ATP6V1C2: variants seen among roughly 807,000 people sequenced by gnomAD.
ATP6V1C2 encodes the protein ATPase H+ transporting V1 subunit C2.
A neutral mutation model predicts 56.8 loss-of-function variants in ATP6V1C2; 45 were observed. The observed-to-expected ratio is 0.79, with a 90% CI of 0.62 to 1.02. The LOEUF (loss-of-function observed/expected upper bound fraction) is 1.02, where lower values mean the gene tolerates loss of function less well. Among genes scored for constraint, ATP6V1C2 ranks in the 50% least tolerant of loss-of-function variants. The pLI is 0.00. For missense variants in ATP6V1C2, 463 were observed against 519.7 expected (o/e 0.89, Z 1.06); for synonymous variants, 220 against 201.3 (o/e 1.09, Z -0.79).
intron 3 of ATP6V1C2, among the ~76,000 whole-genome samples, chr2:10,743,375 G>C (rs1662672116): frequency 6.6e-6 from 1 of 150,710 alleles, no homozygotes; most frequent in African/African-American, 2.4e-5. Context: ...AAAGTGCTGG[G>C]ATTACAGGTG....
chr2:10,755,054 G>A (rs1572557794), intron 4 of ATP6V1C2, among the ~76,000 whole-genome samples: 1 of 151,526 alleles, frequency 6.6e-6, no homozygotes, highest in African/African-American at 2.4e-5. Context: ...TTTTTCTCGT[G>A]TTGCCCAGGC....
intron 3 of ATP6V1C2, among the ~76,000 whole-genome samples, chr2:10,747,936 C>T (rs1663011703): frequency 6.6e-6 from 1 of 152,104 alleles, no homozygotes; most frequent in Non-Finnish European, 1.5e-5. Flanking sequence ...TCTTGGCTCA[C>T]TGCAACCTCT....
intron 4 of ATP6V1C2, among the ~76,000 whole-genome samples, chr2:10,758,433 C>T (rs1402263654): frequency 6.6e-6 from 1 of 152,058 alleles, no homozygotes; most frequent in African/African-American, 2.4e-5. Flanking sequence ...TCTCAACTTC[C>T]CAAGACTAGA....
At chr2:10,736,746 T>C (rs1439512132) in intron 3 of ATP6V1C2, among the ~76,000 whole-genome samples, 1 of 151,856 alleles carries the variant, frequency 6.6e-6, no homozygotes, top group South Asian at 2.1e-4. Context: ...CTGAGTGTTA[T>C]ATAATTTAAA....
intron 4 of ATP6V1C2, among the ~76,000 whole-genome samples, chr2:10,761,164 G>A (rs1250174622): frequency 6.6e-6 from 1 of 152,162 alleles, no homozygotes; most frequent in Non-Finnish European, 1.5e-5. Flanking sequence ...GGTACTGTGA[G>A]AGGAGAGTAG....
intron 2 of ATP6V1C2, among the ~76,000 whole-genome samples, chr2:10,724,378 ACAGGCTGGGAGAGGCTAAGTGTTGT>A (rs1376290634): frequency 6.6e-6 from 1 of 152,136 alleles, no homozygotes; most frequent in Non-Finnish European, 1.5e-5. Context: ...GACTCTGGGG[ACAGGCTGGGAGAGGCTAAGTGTTGT>A]CAGGCTGGTA....
At chr2:10,724,674 C>CT (rs61085771) in intron 2 of ATP6V1C2, among the ~76,000 whole-genome samples, 23 of 124,624 alleles carry the variant, frequency 1.8e-4, no homozygotes, top group African/African-American at 6.7e-4. Context: ...TTCCTAATTA[C>CT]TTTTTTTTTT....
At chr2:10,771,109 C>A (rs1165569676) in intron 6 of ATP6V1C2, among the ~76,000 whole-genome samples, 44 of 152,194 alleles carry the variant, frequency 2.9e-4, no homozygotes, top group Admixed American at 2.8e-3. Flanking sequence ...CAGGGGACAG[C>A]AAAGAAGCCA....
intron 8 of ATP6V1C2, among the ~76,000 whole-genome samples, chr2:10,774,063 C>T (rs1315237314): frequency 6.6e-6 from 1 of 152,232 alleles, no homozygotes; most frequent in African/African-American, 2.4e-5. Flanking sequence ...GGTAGGTGGC[C>T]TGGCCTCCCA....
intron 2 of ATP6V1C2, among the ~76,000 whole-genome samples, chr2:10,723,603 C>A (rs1390510746): frequency 5.9e-5 from 9 of 151,704 alleles, no homozygotes; most frequent in Admixed American, 5.9e-4. Flanking sequence ...CTTTGGGAGG[C>A]CGAGGTGGGT....
chr2:10,759,421 C>T (rs1228657975), intron 4 of ATP6V1C2, among the ~76,000 whole-genome samples: 2 of 152,190 alleles, frequency 1.3e-5, no homozygotes, highest in Non-Finnish European at 2.9e-5. Flanking sequence ...TGGTTGGTCA[C>T]AGTCCCTCAT....
chr2:10,763,731 CT>C lies in ATP6V1C2; in HGVS notation c.284-599del, dbSNP rs1488546162. The stretch of plus-strand genomic sequence containing the variant: ...TAGCTCTCTTCAAGAGTGTGGAGAA[CT>C]AACCTGAAGAGAGCAGGCAAGGTGC... On this transcript the variant is annotated intron_variant, in intron 4 of 13. Transcript: ENST00000272238. This position sits in a 1 kb window ranked among gnomAD's most constrained non-coding sequence, Gnocchi z 4.2. 6.6e-6 allele frequency among the ~76,000 whole-genome samples: 1 copy of C among 152,188 alleles called. No homozygotes were observed. The highest frequency in any genetic ancestry group is 2.1e-4 in the South Asian group (1 of 4,834).
chr2:10,746,982 T>C (rs1662949832), intron 3 of ATP6V1C2, among the ~76,000 whole-genome samples: 1 of 152,216 alleles, frequency 6.6e-6, no homozygotes, highest in African/African-American at 2.4e-5. Context: ...ATGAAAAGAA[T>C]TCTCAGCCAG....
chr2:10,773,582 T>C (rs1303613243), intron 8 of ATP6V1C2, among the ~76,000 whole-genome samples: 2 of 152,092 alleles, frequency 1.3e-5, no homozygotes, highest in Non-Finnish European at 2.9e-5. Flanking sequence ...GGGGTTTCAC[T>C]GTGTTGGCCA....
intron 8 of ATP6V1C2, among the ~76,000 whole-genome samples, chr2:10,774,342 C>T (rs929446449): frequency 6.6e-6 from 1 of 152,202 alleles, no homozygotes. Context: ...CCCAGTGGTC[C>T]TGTGTTGAGA....
chr2:10,729,525 C>G (rs1248066756), intron 3 of ATP6V1C2, among the ~76,000 whole-genome samples: 1 of 152,112 alleles, frequency 6.6e-6, no homozygotes, highest in African/African-American at 2.4e-5. Context: ...CTAATTTTCT[C>G]AACATATAAA....
At chr2:10,760,121 C>T (rs1388370040) in intron 4 of ATP6V1C2, among the ~76,000 whole-genome samples, 3 of 149,300 alleles carry the variant, frequency 2.0e-5, no homozygotes, top group South Asian at 2.1e-4. Flanking sequence ...TGCCTGTAAT[C>T]CAGCACTCTG....
At chr2:10,729,187 TAG>T (rs1661824504) in intron 3 of ATP6V1C2, among the ~76,000 whole-genome samples, 2 of 151,646 alleles carry the variant, frequency 1.3e-5, no homozygotes, top group Non-Finnish European at 2.9e-5. Context: ...TTTTTTGAGA[TAG>T]AGTCTCACTC....
At chr2:10,723,087 C>A in intron 2 of ATP6V1C2, 109 bp downstream of exon 2, 1 of 1,373,762 alleles carries the variant, frequency 7.3e-7, no homozygotes, top group Non-Finnish European at 9.9e-7. Context: ...CAAGGCAAAG[C>A]AGGGGCTCTG....
Sources: gnomAD v4.1 joint callset for allele counts (sites outside exome capture counted in the v4.1 genomes callset) on GRCh38, gnomAD v4.1.1 for gene constraint, Gnocchi (gnomAD v3.1) non-coding constraint, MANE v1.5 for transcripts, NCBI Gene and HGNC (gene_info 2026-07-23, HGNC 2026-07-21) for gene names.